SMAD6: variants seen among roughly 807,000 people sequenced by gnomAD.
SMAD6 encodes the protein SMAD family member 6.
In SMAD6, 103 loss-of-function variants were observed where a neutral mutation model predicts 39.4. The ratio of observed to expected loss-of-function variants is 2.62; its 90% CI spans 2.23 to 3.08. The LOEUF (loss-of-function observed/expected upper bound fraction) is 3.08. Among genes scored for constraint, SMAD6 ranks in the 30% most tolerant of loss-of-function variants. SMAD6 has a pLI of 0.00. For missense variants in SMAD6, 1,104 were observed against 742.9 expected, an observed-to-expected ratio of 1.49 and a Z score of -5.65; for synonymous variants, 445 against 353.3, an observed-to-expected ratio of 1.26 and a Z score of -2.91.
intron 1 of SMAD6, chr15:66,706,266 T>C (rs1893108742): frequency 6.6e-6 from 1 of 152,086 alleles, no homozygotes; most frequent in African/African-American, 2.4e-5. Flanking sequence ...CTAGGAATAT[T>C]CTCCCCATCT....
Position 66,711,681 on chromosome 15 carries a change from T to TC in SMAD6, c.834dup (p.Tyr279LeufsTer24). ...CCTGTCTTCCAGAATCTCCGCCACC[T>TC]CCCTACTCTCGGCTGTCTCCTCGCG... On this transcript the variant is annotated frameshift_variant, in exon 2 of 4. Coordinates refer to ENST00000288840, the MANE Select transcript of SMAD6 (RefSeq NM_005585.5). LOFTEE classifies it high-confidence loss of function. 1 of 1,613,958 alleles carries TC rather than the reference T, an allele frequency of 6.2e-7. No homozygotes were observed. The highest frequency in any genetic ancestry group is 8.5e-7 in the Non-Finnish European group (1 of 1,179,880).
chr15:66,775,631 T>A (rs1894453985), intron 3 of SMAD6, among the ~76,000 whole-genome samples: 1 of 152,084 alleles, frequency 6.6e-6, no homozygotes, highest in East Asian at 1.9e-4. Context: ...CCTGGAACCC[T>A]CCCAGCAGGA....
At chr15:66,731,568 A>G (rs1173583006) in intron 3 of SMAD6, among the ~76,000 whole-genome samples, 1 of 152,200 alleles carries the variant, frequency 6.6e-6, no homozygotes, top group African/African-American at 2.4e-5. Flanking sequence ...TCCAAATGTA[A>G]TTATATAGCA....
chr15:66,730,608 CCCATGAGTCAGT>C (rs1212178332), intron 3 of SMAD6, among the ~76,000 whole-genome samples: 2 of 76,526 alleles, frequency 2.6e-5, no homozygotes, highest in African/African-American at 9.3e-5. Context: ...GGAGTCATTA[CCCATGAGTCAGT>C]CCTGGCTTTT....
At chr15:66,705,706 CAG>C (rs1278844688) in intron 1 of SMAD6, 2 of 152,296 alleles carry the variant, frequency 1.3e-5, no homozygotes, top group African/African-American at 4.8e-5. Flanking sequence ...CTGTGGCTAA[CAG>C]AGTGGAAATA....
Position 66,750,162 on chromosome 15 carries a change from C to T in SMAD6, c.953-30835C>T, listed in dbSNP as rs1020338411. 4.3e-4 allele frequency among the ~76,000 whole-genome samples: 65 copies of T among 152,136 alleles called. 1 individual carries two copies. The highest frequency in any genetic ancestry group is 8.8e-5 in the Non-Finnish European group (6 of 68,030). ...TGGAATGGTTTGAAGTCTCTTTTTA[C>T]AGATAGATAGCAGAGCAATGTGACC... On this transcript the variant is annotated intron_variant, in intron 3 of 3. Transcript: ENST00000288840.
At chr15:66,749,239 C>T (rs1390900843) in intron 3 of SMAD6, among the ~76,000 whole-genome samples, 2 of 152,182 alleles carry the variant, frequency 1.3e-5, no homozygotes, top group African/African-American at 4.8e-5. Flanking sequence ...GCAGGCGGAT[C>T]ATGAGGTCAG....
At chr15:66,718,493 C>T (rs1288878069) in intron 3 of SMAD6, among the ~76,000 whole-genome samples, 5 of 152,040 alleles carry the variant, frequency 3.3e-5, no homozygotes, top group African/African-American at 9.7e-5. Flanking sequence ...TTCTAAGGAG[C>T]GGAAGGATTT....
At chr15:66,719,628 G>GT (rs753508531) in intron 3 of SMAD6, among the ~76,000 whole-genome samples, 7 of 152,192 alleles carry the variant, frequency 4.6e-5, no homozygotes, top group Non-Finnish European at 7.3e-5. Context: ...ACTCTTATCT[G>GT]TTTTATCCAG....
chr15:66,758,351 A>C (rs1894139215), intron 3 of SMAD6, among the ~76,000 whole-genome samples: 1 of 152,204 alleles, frequency 6.6e-6, no homozygotes, highest in South Asian at 2.1e-4. Context: ...AAACATGATA[A>C]ATTTCAAAAA....
At chr15:66,713,375 A>G (rs1292893146) in intron 2 of SMAD6, among the ~76,000 whole-genome samples, 1 of 152,150 alleles carries the variant, frequency 6.6e-6, no homozygotes, top group Non-Finnish European at 1.5e-5. Flanking sequence ...GCTGGAGTGC[A>G]GTGGCGTGAA....
chr15:66,716,304 C>T lies in SMAD6; in HGVS notation c.875-117C>T, dbSNP rs561362916. ...TCAGAAAGTTGGGAGGGACATGCTGCCCTTTGCAAGCACACACATCCACAC... is the reference window on the plus strand; with the variant it reads ...TCAGAAAGTTGGGAGGGACATGCTGTCCTTTGCAAGCACACACATCCACAC... On this transcript the variant is annotated intron_variant, in intron 2 of 3. Coordinates refer to ENST00000288840, the MANE Select transcript of SMAD6 (RefSeq NM_005585.5). 2.4e-4 allele frequency: 181 copies of T among 752,640 alleles called. No homozygotes were observed. The African/African-American group carries it at 2.9e-3, about 12-fold the overall frequency. 46.6% of individuals were successfully genotyped at this position (752,640 alleles called of 1,614,324 possible).
At chr15:66,724,432 T>G (rs540299734) in intron 3 of SMAD6, among the ~76,000 whole-genome samples, 1 of 152,280 alleles carries the variant, frequency 6.6e-6, no homozygotes, top group Non-Finnish European at 1.5e-5. Flanking sequence ...CCAGGTACTC[T>G]CTAAGTGCCA....
At chr15:66,716,219 G>C (rs1392748557) in intron 2 of SMAD6, among the ~76,000 whole-genome samples, 1 of 152,204 alleles carries the variant, frequency 6.6e-6, no homozygotes, top group Non-Finnish European at 1.5e-5. Context: ...CTTTCCAGAA[G>C]AGTTCCTGGG....
At chr15:66,735,223 G>A (rs1024395976) in intron 3 of SMAD6, among the ~76,000 whole-genome samples, 14 of 152,254 alleles carry the variant, frequency 9.2e-5, no homozygotes, top group African/African-American at 3.4e-4. Flanking sequence ...ATAGTCCAGG[G>A]CTGGGTGGGA....
chr15:66,716,795 T>C (rs1595766366), intron 3 of SMAD6, among the ~76,000 whole-genome samples: 1 of 152,206 alleles, frequency 6.6e-6, no homozygotes, highest in African/African-American at 2.4e-5. Context: ...GCTCTCCCTT[T>C]CGTGTTTAGA....
intron 3 of SMAD6, among the ~76,000 whole-genome samples, chr15:66,778,629 T>A (rs576452778): frequency 6.6e-6 from 1 of 152,304 alleles, no homozygotes; most frequent in African/African-American, 2.4e-5. Flanking sequence ...CAGTCATGCT[T>A]ACATATAGGG....
At chr15:66,745,084 C>G (rs535528345) in intron 3 of SMAD6, among the ~76,000 whole-genome samples, 3 of 152,240 alleles carry the variant, frequency 2.0e-5, no homozygotes, top group African/African-American at 7.2e-5. Context: ...AGCCCAGGAC[C>G]CTGCCCTCCC....
intron 2 of SMAD6, among the ~76,000 whole-genome samples, chr15:66,715,706 A>G (rs999708871): frequency 1.3e-5 from 2 of 152,156 alleles, no homozygotes; most frequent in South Asian, 4.2e-4. Context: ...TTTCTCATCT[A>G]ACTGCTCGGC....
Sources: allele counts gnomAD v4.1 joint callset (sites outside exome capture counted in the v4.1 genomes callset), GRCh38; gene constraint gnomAD v4.1.1; transcripts MANE v1.5; gene names NCBI Gene and HGNC (gene_info 2026-07-23, HGNC 2026-07-21).